The following RNF150 variants were observed in gnomAD, a reference collection of about 807,000 sequenced individuals.
The protein encoded by RNF150 is ring finger protein 150.
Under a neutral mutation model 39.3 loss-of-function variants are expected in RNF150, and 24 were observed. That is an observed-to-expected ratio of 0.61 (90% confidence interval 0.44 to 0.86). The LOEUF (loss-of-function observed/expected upper bound fraction) is 0.86, where lower values mean the gene tolerates loss of function less well. Among genes scored for constraint, RNF150 ranks in the 40% least tolerant of loss-of-function variants. The pLI, the probability that RNF150 is intolerant of heterozygous loss-of-function variation, is 0.00. For missense variants in RNF150, 502 were observed against 587.8 expected (o/e 0.85, Z 1.51); for synonymous variants, 255 against 227.3 (o/e 1.12, Z -1.10).
chr4:140,868,359 T>G lies in RNF150; in HGVS notation c.1219A>C (p.Ser407Arg), dbSNP rs147587329. 3.2e-4 allele frequency: 517 copies of G among 1,611,942 alleles called. No individual in the cohort carries two copies. The highest frequency in any genetic ancestry group is 4.3e-4 in the Non-Finnish European group (502 of 1,178,120). ...ATCAAGGAAATGTCAGAATCACTGC[T>G]TACAGCTGGCTCCTGCTCACCTGGG... ...TTNSEQEPAV[S>R]SDSDISLIMA... Residue 407 changes from serine (S) to arginine (R), a missense_variant, in exon 7 of 7, where the codon AGC becomes CGC. By Grantham distance (110) the Ser-to-Arg change is moderately radical (BLOSUM62 -1). Transcript: ENST00000515673.
In RNF150 at chr4:141,053,789, C is replaced by G. The variant is rs138837709; in HGVS notation, c.484+78536G>C. On this transcript the variant is annotated intron_variant, in intron 1 of 6. Transcript: ENST00000515673. The stretch of plus-strand genomic sequence containing the variant: ...GAGATAAGTGATCCAGCTTCATTTC[C>G]TCTGCTAAAGCTATCCCTTCAAAAT... 3.6e-4 allele frequency: 335 copies of G among 935,972 alleles called. 3 individuals are homozygous for G. The East Asian group carries it at 7.7e-3, about 22-fold the overall frequency. The allele number at this position is 935,972 out of a possible 1,614,324, so 58.0% of individuals were successfully genotyped here. A position where few individuals can be genotyped will look rare whatever the true frequency, so the allele number is the denominator to read the frequency against.
At chr4:141,150,620 C>T (rs146043927) in intron 1 of RNF150, among the ~76,000 whole-genome samples, 4 of 152,240 alleles carry the variant, frequency 2.6e-5, no homozygotes, top group African/African-American at 9.6e-5. Context: ...GCCTATATGG[C>T]CCCTGATGAA....
rs1560679301 is a variant in RNF150 at position 141,000,052 on chromosome 4, AG to A, written c.485-32180del. Among the ~76,000 whole-genome samples, 78 of 103,420 alleles carry A rather than the reference AG, an allele frequency of 7.5e-4. 8 individuals carry two copies. Among genetic ancestry groups the A allele is most frequent in the Admixed American group, 8.1e-4 (8 of 9,870 alleles). The allele number at this position is 103,420 out of a possible 152,430, so 67.8% of individuals were successfully genotyped here. On this transcript the variant is annotated intron_variant, in intron 1 of 6. Coordinates refer to ENST00000515673, the MANE Select transcript of RNF150 (RefSeq NM_020724.2). ...AAGAAGAAGAAGAAGAAGAAGAAGA[AG>A]AAGAAGAAGAAGAAGAAGAAGAAGA...
intron 1 of RNF150, among the ~76,000 whole-genome samples, chr4:140,976,508 A>G (rs1425434): frequency 0.96 from 146,324 of 151,932 alleles, 70,680 homozygotes; most frequent in East Asian, 1. Flanking sequence ...CTAGACACAC[A>G]TTCCCACTGT....
intron 1 of RNF150, among the ~76,000 whole-genome samples, chr4:141,000,541 C>T (rs145164844): frequency 3.9e-4 from 60 of 152,250 alleles, no homozygotes; most frequent in Non-Finnish European, 1.5e-5. Flanking sequence ...TGGTAATAGG[C>T]TAATAACTCC....
intron 1 of RNF150, among the ~76,000 whole-genome samples, chr4:141,165,118 G>A (rs182401138): frequency 2.0e-5 from 3 of 152,016 alleles, no homozygotes; most frequent in Non-Finnish European, 2.9e-5. Context: ...CCAAGCAAAC[G>A]GAAAGCAAAA....
chr4:141,043,763 T>C (rs1053062089), intron 1 of RNF150, among the ~76,000 whole-genome samples: 7 of 152,092 alleles, frequency 4.6e-5, no homozygotes, highest in East Asian at 1.9e-4. Flanking sequence ...TTCTATATTA[T>C]GGGAAAGAGT....
chr4:141,119,998 T>C (rs1241547958), intron 1 of RNF150, among the ~76,000 whole-genome samples: 3 of 152,232 alleles, frequency 2.0e-5, no homozygotes, highest in Non-Finnish European at 4.4e-5. Flanking sequence ...ATTCCTTAAG[T>C]GAGCAGTACA....
Position 140,863,051 on chromosome 4 carries a change from G to A in RNF150, c.*5210C>T, listed in dbSNP as rs1728554885. On this transcript the variant is annotated 3_prime_UTR_variant, in exon 7 of 7. Transcript: ENST00000515673. Reference sequence around the variant, plus strand: ...AGAACCATGCATCCCCATCTTAAGAGGGTAGTCTCTTCGTGTCTCTTTGTC... The same window carrying A: ...AGAACCATGCATCCCCATCTTAAGAAGGTAGTCTCTTCGTGTCTCTTTGTC... 6.6e-6 allele frequency: 1 copy of A among 152,134 alleles called. No individual in the cohort carries two copies. Among genetic ancestry groups the A allele is most frequent in the African/African-American group, 2.4e-5 (1 of 41,412 alleles). The allele number at this position is 152,134 out of a possible 1,614,324, so 9.4% of individuals were successfully genotyped here. A position where few individuals can be genotyped will look rare whatever the true frequency, so the allele number is the denominator to read the frequency against.
At chr4:141,043,193 T>C (rs1736431219) in intron 1 of RNF150, among the ~76,000 whole-genome samples, 1 of 152,106 alleles carries the variant, frequency 6.6e-6, no homozygotes, top group African/African-American at 2.4e-5. Context: ...AACTGAAATC[T>C]TTCCCAGAAT....
At chr4:141,198,461 A>G (rs1196909187) in intron 1 of RNF150, among the ~76,000 whole-genome samples, 1 of 152,238 alleles carries the variant, frequency 6.6e-6, no homozygotes, top group Non-Finnish European at 1.5e-5. Flanking sequence ...CATTCACTGT[A>G]TAAAGTTTTG....
chr4:141,212,082 A>G (rs778994071), intron 1 of RNF150, among the ~76,000 whole-genome samples: 1 of 152,194 alleles, frequency 6.6e-6, no homozygotes, highest in Non-Finnish European at 1.5e-5. Context: ...AGGTGCTACC[A>G]AGACAATATC....
intron 1 of RNF150, among the ~76,000 whole-genome samples, chr4:140,976,706 C>T (rs554214619): frequency 1.3e-5 from 2 of 152,130 alleles, no homozygotes; most frequent in East Asian, 1.9e-4. Flanking sequence ...TACCAGCCCA[C>T]ATTCCATGAT....
At chr4:141,090,266 T>G (rs1331756942) in intron 1 of RNF150, among the ~76,000 whole-genome samples, 1 of 152,196 alleles carries the variant, frequency 6.6e-6, no homozygotes, top group African/African-American at 2.4e-5. Flanking sequence ...TTCATTTTCA[T>G]GAGAGGGAAG....
intron 1 of RNF150, among the ~76,000 whole-genome samples, chr4:141,058,361 C>T (rs79439644): frequency 1.2e-3 from 187 of 152,156 alleles, no homozygotes; most frequent in African/African-American, 4.1e-3. Context: ...AAATCCCTTA[C>T]CCTTAATCTT....
intron 1 of RNF150, among the ~76,000 whole-genome samples, chr4:141,056,766 TG>T (rs1258700966): frequency 6.6e-6 from 1 of 152,050 alleles, no homozygotes; most frequent in Non-Finnish European, 1.5e-5. Flanking sequence ...CTGGGAGCCC[TG>T]GTCTCAGGAC....
intron 2 of RNF150, among the ~76,000 whole-genome samples, chr4:140,953,985 T>C (rs910239699): frequency 6.6e-6 from 1 of 152,124 alleles, no homozygotes; most frequent in Non-Finnish European, 1.5e-5. Context: ...GAATAGAGAA[T>C]CTAGGGATTG....
chr4:140,962,079 C>CTCTT (rs993740741), intron 2 of RNF150, among the ~76,000 whole-genome samples: 2 of 149,622 alleles, frequency 1.3e-5, no homozygotes, highest in Admixed American at 1.3e-4. Context: ...CTCTCTCTCT[C>CTCTT]TACTCTCTCT....
chr4:140,979,764 T>G (rs937181919), intron 1 of RNF150, among the ~76,000 whole-genome samples: 1 of 152,090 alleles, frequency 6.6e-6, no homozygotes, highest in Non-Finnish European at 1.5e-5. Context: ...ACTGGGCAAG[T>G]TGCCATTTCT....
Sources: allele counts gnomAD v4.1 joint callset (sites outside exome capture counted in the v4.1 genomes callset), GRCh38; gene constraint gnomAD v4.1.1; transcripts MANE v1.5; gene names NCBI Gene and HGNC (gene_info 2026-07-23, HGNC 2026-07-21).